FAT1: variants seen among roughly 807,000 people sequenced by gnomAD.
The protein encoded by FAT1 is FAT atypical cadherin 1.
FAT1 carries 171 observed loss-of-function variants against 329.8 expected under a neutral mutation model. The ratio of observed to expected loss-of-function variants is 0.52; its 90% CI spans 0.46 to 0.59. The LOEUF (loss-of-function observed/expected upper bound fraction) is 0.59. FAT1 is among the 20% of genes least tolerant of loss of function. The pLI, the probability that FAT1 is intolerant of heterozygous loss-of-function variation, is 0.00. For synonymous variants in FAT1, 2,233 were observed against 2,228.6 expected (o/e 1.00, Z -0.06); for missense variants, 5,672 against 5,774.4 (o/e 0.98, Z 0.57).
At chr4:186,724,593 G>C (rs1266437616), upstream of FAT1, among the ~76,000 whole-genome samples, 1 of 152,162 alleles carries the variant, frequency 6.6e-6, no homozygotes, top group East Asian at 1.9e-4. The surrounding 1 kb of genome is among the most constrained non-coding windows in gnomAD (Gnocchi z 5.3). Context: ...GCCGACAACT[G>C]CAAGTTCCTA....
At chr4:186,598,748 T>C (rs926903806) in intron 22 of FAT1, 3 of 152,412 alleles carry the variant, frequency 2.0e-5, no homozygotes, top group African/African-American at 7.2e-5. Flanking sequence ...CTGCCTCACT[T>C]CTAGCCTCAA....
chr4:186,696,389 C>CTT (rs1744041142), intron 2 of FAT1, among the ~76,000 whole-genome samples: 1 of 152,082 alleles, frequency 6.6e-6, no homozygotes, highest in African/African-American at 2.4e-5. Flanking sequence ...ACAAACCCGC[C>CTT]TTTTTTCACT....
chr4:186,645,807 G>A (rs1433350719), intron 3 of FAT1, among the ~76,000 whole-genome samples: 1 of 151,596 alleles, frequency 6.6e-6, no homozygotes, highest in African/African-American at 2.4e-5. Context: ...TTAGCTGGGT[G>A]TGGTGGCGTG....
intron 6 of FAT1, 47 bp from the exon 7 acceptor site, chr4:186,633,870 T>C: frequency 6.2e-7 from 1 of 1,605,484 alleles, no homozygotes; most frequent in Non-Finnish European, 8.5e-7. Flanking sequence ...GATAACACTC[T>C]GTAGTTTATT....
At position 186,595,615 on chromosome 4, in the gene FAT1, C is replaced by T. The variant is rs894692817; in HGVS notation, c.13138+74G>A. On this transcript the variant is annotated intron_variant, in intron 26 of 26. Coordinates refer to ENST00000441802, the MANE Select transcript of FAT1 (RefSeq NM_005245.4). ...GGTGAGGCTTTAAGGGTAGATAGTGCGTCTACATTGTGAGATAACACAGTA... is the reference window on the plus strand; with the variant it reads ...GGTGAGGCTTTAAGGGTAGATAGTGTGTCTACATTGTGAGATAACACAGTA... 24 of 1,529,866 alleles carry T rather than the reference C, an allele frequency of 1.6e-5. No individual in the cohort carries two copies. The Admixed American group carries it at 2.8e-4, about 18-fold the overall frequency. 94.8% of individuals were successfully genotyped at this position (1,529,866 alleles called of 1,614,324 possible).
Position 186,620,012 on chromosome 4 carries a change from C to G in FAT1, c.6574G>C (p.Ala2192Pro), listed in dbSNP as rs763545917. 1.2e-6 allele frequency: 2 copies of G among 1,614,028 alleles called. No homozygotes were observed. Among genetic ancestry groups the G allele is most frequent in the South Asian group, 2.2e-5 (2 of 91,088 alleles). ...GGGCTGTGCACCTGGATGCTCTCTG[C>G]AATCTCTGCACTGTAGAAAGGTTTT... ...FEKPFYSAEI[A>P]ESIQVHSPVV... The change falls in exon 10 of 27, where the codon GCA becomes CCA. Residue 2192 changes from alanine (A) to proline (P), a missense_variant. Physicochemically the swap from Ala to Pro is conservative, Grantham distance 27. Coordinates refer to ENST00000441802, the MANE Select transcript of FAT1 (RefSeq NM_005245.4).
At chr4:186,630,845 C>A (rs1321338050) in intron 7 of FAT1, among the ~76,000 whole-genome samples, 1 of 151,702 alleles carries the variant, frequency 6.6e-6, no homozygotes, top group Non-Finnish European at 1.5e-5. Flanking sequence ...TGCTGATGCT[C>A]GAGAGAAAGT....
intron 4 of FAT1, 81 bp downstream of exon 4, chr4:186,639,641 G>A (rs972997992): frequency 9.6e-6 from 9 of 935,738 alleles, no homozygotes; most frequent in Non-Finnish European, 1.3e-5. Flanking sequence ...AAGAATACTG[G>A]TTAATGGGAA....
Position 186,588,432 on chromosome 4 carries a change from A to G in FAT1, c.*160T>C, listed in dbSNP as rs1738058141. 1 of 799,886 alleles carries G rather than the reference A, an allele frequency of 1.3e-6. No individual in the cohort carries two copies. The highest frequency in any genetic ancestry group is 1.9e-6 in the Non-Finnish European group (1 of 522,896). 49.5% of individuals were successfully genotyped at this position (799,886 alleles called of 1,614,324 possible). A position where few individuals can be genotyped will look rare whatever the true frequency, so the allele number is the denominator to read the frequency against. On this transcript the variant is annotated 3_prime_UTR_variant, in exon 27 of 27. Transcript: ENST00000441802. ...ACCTCACGATGACAGTAGTTGGGAC[A>G]CTGGAAATGGCTAGCACGTCCAGAG...
chr4:186,621,450 A>G lies in FAT1; in HGVS notation c.5136T>C (p.Ile1712=), dbSNP rs1341161347. 1 of 1,614,054 alleles carries G rather than the reference A, an allele frequency of 6.2e-7. No individual in the cohort carries two copies. Among genetic ancestry groups the G allele is most frequent in the African/African-American group, 1.3e-5 (1 of 75,064 alleles). Residue 1712 remains isoleucine (I), a synonymous_variant, in exon 10 of 27, where the codon ATT becomes ATC. Transcript: ENST00000441802. ...TGATGATAGTTCCAGAATGTGGATT[A>G]ATATCAAAAGCATCACCTGTATTTC... ...KDGNTGDAFD[I]NPHSGTIITQ...
chr4:186,630,430 G>A (rs1159891451), intron 7 of FAT1, among the ~76,000 whole-genome samples: 4 of 152,148 alleles, frequency 2.6e-5, no homozygotes, highest in Admixed American at 2.6e-4. Context: ...GAAGAAGGCA[G>A]AGTCAAATAC....
In FAT1 at chr4:186,596,053, C is replaced by T. The variant is rs965862033; in HGVS notation, c.13001-227G>A. ...TAGAGATTATTCATAGAGTAGAAAT[C>T]GCCCATAAGCATGCCTATGGGTATC... is the stretch of plus-strand genomic sequence containing the variant. On this transcript the variant is annotated intron_variant, in intron 25 of 26. Coordinates refer to ENST00000441802, the MANE Select transcript of FAT1 (RefSeq NM_005245.4). This position sits in a 1 kb window ranked among gnomAD's most constrained non-coding sequence, Gnocchi z 4.7. Among the ~76,000 whole-genome samples the T allele has an allele frequency of 1.3e-5, 2 of 152,198 alleles. No individual in the cohort carries two copies. Among genetic ancestry groups the T allele is most frequent in the African/African-American group, 4.8e-5 (2 of 41,530 alleles).
rs760841712 is a variant in FAT1 at position 186,603,935 on chromosome 4, T to A, written c.10591A>T (p.Ile3531Phe). 7 of 1,613,914 alleles carry A rather than the reference T, an allele frequency of 4.3e-6. No individual in the cohort carries two copies. The East Asian group carries it at 1.6e-4, about 36-fold the overall frequency. The part of the protein sequence containing the change: ...GKPQLSSLTY[I>F]DIRVIEESIY... Reference sequence around the variant, plus strand: ...CTCTCCTCAATTACCCTAATGTCAATGTATGTCAAAGATGACAACTGAGGC... The same window carrying A: ...CTCTCCTCAATTACCCTAATGTCAAAGTATGTCAAAGATGACAACTGAGGC... The change falls in exon 19 of 27, where the codon ATT (isoleucine) becomes TTT (phenylalanine). Residue 3531 changes from isoleucine (I) to phenylalanine (F), a missense_variant. By Grantham distance (21) the Ile-to-Phe change is conservative (BLOSUM62 0). Coordinates refer to ENST00000441802, the MANE Select transcript of FAT1 (RefSeq NM_005245.4).
At chr4:186,667,709 A>T (rs1287329874) in intron 2 of FAT1, among the ~76,000 whole-genome samples, 1 of 152,212 alleles carries the variant, frequency 6.6e-6, no homozygotes, top group Non-Finnish European at 1.5e-5. Context: ...TATGTGCATT[A>T]AATCATTGAA....
At position 186,618,135 on chromosome 4, in the gene FAT1, G is replaced by A. The variant is rs529298607; in HGVS notation, c.8451C>T (p.Phe2817=). The A allele has an allele frequency of 3.7e-6, 6 of 1,614,022 alleles. No individual in the cohort carries two copies. The East Asian group carries it at 6.7e-5, about 18-fold the overall frequency. ...PVFESSPYEA[F]IVENLPGGSR... is the part of the protein sequence containing the mutation. ...TTCCCCCTGGCAGGTTTTCAACAAT[G>A]AATGCCTCATATGGACTAGATTCAA... The change falls in exon 10 of 27, where the codon TTC becomes TTT. Residue 2817 remains phenylalanine, a synonymous_variant. Transcript: ENST00000441802.
Position 186,609,255 on chromosome 4 carries a change from G to A in FAT1, c.10134C>T (p.Asn3378=), listed in dbSNP as rs367790053. 59 of 1,613,886 alleles carry A rather than the reference G, an allele frequency of 3.7e-5. No individual in the cohort carries two copies. The highest frequency in any genetic ancestry group is 4.6e-5 in the Non-Finnish European group (54 of 1,179,892). Residue 3378 remains asparagine, a synonymous_variant, in exon 16 of 27, where the codon AAC becomes AAT. Coordinates refer to ENST00000441802, the MANE Select transcript of FAT1 (RefSeq NM_005245.4). ...GGTCAATTGTGAACGAGCTTCCTTG[G>A]TTGCCATCTATAATTGAGTAGTGGA... The part of the protein sequence containing the change: ...SHIHYSIIDG[N]QGSSFTIDPV...
At chr4:186,641,256 C>T (rs535118517) in intron 3 of FAT1, among the ~76,000 whole-genome samples, 3 of 152,338 alleles carry the variant, frequency 2.0e-5, no homozygotes, top group East Asian at 1.9e-4. Context: ...TACCTCCACA[C>T]TGGGGTTTTC....
chr4:186,588,478 A>G lies in FAT1; in HGVS notation c.*114T>C. 1.6e-6 allele frequency: 2 copies of G among 1,281,040 alleles called. No homozygotes were observed. Among genetic ancestry groups the G allele is most frequent in the Non-Finnish European group, 2.1e-6 (2 of 948,106 alleles). 79.4% of individuals were successfully genotyped at this position (1,281,040 alleles called of 1,614,324 possible). A position where few individuals can be genotyped will look rare whatever the true frequency, so the allele number is the denominator to read the frequency against. On this transcript the variant is annotated 3_prime_UTR_variant, in exon 27 of 27. Coordinates refer to ENST00000441802, the MANE Select transcript of FAT1 (RefSeq NM_005245.4). ...CAGAGGCGCAGGATCCAGCGCAGCC[A>G]TGCCCATTCGGCTCACCAAAAAAAG...
rs1238800655 is a variant in FAT1 at position 186,699,316 on chromosome 4, G to A, written c.3265+7247C>T. On this transcript the variant is annotated intron_variant, in intron 2 of 26. Transcript: ENST00000441802. Reference sequence around the variant, plus strand: ...ATTTAAAACTAAAAAGACTGTATTAGTAGACTCTCCCCAACATGAAATGAG... The same window carrying A: ...ATTTAAAACTAAAAAGACTGTATTAATAGACTCTCCCCAACATGAAATGAG... Among the ~76,000 whole-genome samples the A allele has an allele frequency of 2.0e-5, 3 of 152,012 alleles. No individual in the cohort carries two copies. The East Asian group carries it at 5.8e-4, about 29-fold the overall frequency.
Sources: gnomAD v4.1 joint callset for allele counts (sites outside exome capture counted in the v4.1 genomes callset) on GRCh38, gnomAD v4.1.1 for gene constraint, Gnocchi (gnomAD v3.1) non-coding constraint, MANE v1.5 for transcripts, NCBI Gene and HGNC (gene_info 2026-07-23, HGNC 2026-07-21) for gene names.